GP2: variants seen among roughly 807,000 people sequenced by gnomAD.
The protein encoded by GP2 is pancreatic secretory granule membrane major glycoprotein GP2.
GP2 carries 58 observed loss-of-function variants against 60.8 expected under a neutral mutation model. The observed-to-expected ratio is 0.95, with a 90% CI of 0.77 to 1.19. GP2 has a LOEUF of 1.19. Ranked by LOEUF, GP2 falls within the 50% of genes most tolerant of loss-of-function variation. The pLI is 0.00. For synonymous variants in GP2, 280 were observed against 253.4 expected (o/e 1.10, Z -1.00); for missense variants, 647 against 667.4 (o/e 0.97, Z 0.34).
At chr16:20,323,496 C>CT (rs367921185) in intron 3 of GP2, 27 of 378,996 alleles carry the variant, frequency 7.1e-5, no homozygotes, top group South Asian at 4.2e-4. Context: ...CCCCCCCCCC[C>CT]TTTTTTTCAG....
intron 3 of GP2, among the ~76,000 whole-genome samples, chr16:20,323,201 A>G (rs1360684381): frequency 6.6e-6 from 1 of 152,202 alleles, no homozygotes; most frequent in East Asian, 1.9e-4. Context: ...TTCTAAGGAC[A>G]AGGAATGTAT....
At chr16:20,320,129 A>T (rs1446214134) in intron 5 of GP2, 133 bp downstream of exon 5, 2 of 666,094 alleles carry the variant, frequency 3.0e-6, no homozygotes, top group Admixed American at 2.5e-5. Flanking sequence ...TATGTAAACC[A>T]ACTTGTGCAC....
At chr16:20,313,446 T>G (rs1160300874) in intron 10 of GP2, among the ~76,000 whole-genome samples, 1 of 152,220 alleles carries the variant, frequency 6.6e-6, no homozygotes, top group Non-Finnish European at 1.5e-5. Context: ...ATCTACTTGC[T>G]TGTCATTTAT....
chr16:20,325,202 G>C (rs1247026731), intron 2 of GP2, among the ~76,000 whole-genome samples: 1 of 152,206 alleles, frequency 6.6e-6, no homozygotes, highest in Non-Finnish European at 1.5e-5. Flanking sequence ...GGTGACTTAA[G>C]TCCCCTGAGA....
intron 2 of GP2, among the ~76,000 whole-genome samples, chr16:20,324,521 C>T (rs989068730): frequency 9.9e-5 from 15 of 152,204 alleles, no homozygotes; most frequent in African/African-American, 3.6e-4. Context: ...AAGTTCTTTC[C>T]TGTGCATCAT....
In GP2 at chr16:20,311,044, A is replaced by G. The variant is rs1453919592; in HGVS notation, c.*179T>C. The G allele has an allele frequency of 1.8e-5, 9 of 509,560 alleles. No homozygotes were observed. Among genetic ancestry groups the G allele is most frequent in the Middle Eastern group, 5.7e-4 (1 of 1,752 alleles). The allele number at this position is 509,560 out of a possible 1,614,324, so 31.6% of individuals were successfully genotyped here. A position where few individuals can be genotyped will look rare whatever the true frequency, so the allele number is the denominator to read the frequency against. On this transcript the variant is annotated 3_prime_UTR_variant, in exon 11 of 11. Transcript: ENST00000302555. The stretch of plus-strand genomic sequence containing the variant: ...AATGCTGGGATTACAGGCATGAGCC[A>G]CTGCGCCCAGCCGAGAGTTTTAAAG...
At chr16:20,327,177 C>G in intron 1 of GP2, 1 of 263,574 alleles carries the variant, frequency 3.8e-6, no homozygotes, top group Non-Finnish European at 7.5e-6. Flanking sequence ...TAGGGAAGCA[C>G]CCAGGATTGG....
chr16:20,312,861 G>C (rs988812989), intron 10 of GP2, among the ~76,000 whole-genome samples: 1 of 152,040 alleles, frequency 6.6e-6, no homozygotes, highest in Non-Finnish European at 1.5e-5. Flanking sequence ...TGTTGGTCAG[G>C]CTGGTCTCGA....
intron 1 of GP2, 46 bp from the exon 2 acceptor site, chr16:20,326,513 G>A: frequency 2.0e-6 from 3 of 1,524,478 alleles, no homozygotes; most frequent in Non-Finnish European, 2.7e-6. Flanking sequence ...ATAGGTCTAT[G>A]TTCTTAGAAA....
chr16:20,316,370 C>T (rs1964171700), intron 8 of GP2, among the ~76,000 whole-genome samples: 1 of 152,178 alleles, frequency 6.6e-6, no homozygotes, highest in Non-Finnish European at 1.5e-5. Context: ...ACAAAGTAAG[C>T]ACTCGGAAAA....
chr16:20,317,441 C>T, intron 7 of GP2, 66 bp from the exon 8 acceptor site: 4 of 1,211,060 alleles, frequency 3.3e-6, no homozygotes, highest in Non-Finnish European at 4.8e-6. Context: ...TAAAGAGTCC[C>T]TCGGGTTCCC....
At chr16:20,323,787 G>A (rs745543223) in intron 3 of GP2, 29 bp downstream of exon 3, 3 of 1,486,418 alleles carry the variant, frequency 2.0e-6, no homozygotes, top group East Asian at 4.6e-5. Context: ...TGGCTGTGTA[G>A]CTGCCTCCTC....
rs202203480 is a variant in GP2 at position 20,315,961 on chromosome 16, C to T, written c.1496G>A (p.Arg499Gln). ...ARVLDLGPIT[R>Q]RGAQSPGVMN... ...ACTGGGATTTGGCCACTTACCTCTCCGAGTGATGGGCCCCAAATCTAGAAC... is the reference window on the plus strand; with the variant it reads ...ACTGGGATTTGGCCACTTACCTCTCTGAGTGATGGGCCCCAAATCTAGAAC... The change falls in exon 9 of 11, where the codon CGG (arginine) becomes CAG (glutamine). Residue 499 changes from arginine (R) to glutamine (Q), a missense_variant. Transcript: ENST00000302555. The T allele has an allele frequency of 1.8e-5, 29 of 1,607,364 alleles. No individual in the cohort carries two copies. The highest frequency in any genetic ancestry group is 9.9e-5 in the South Asian group (9 of 90,924).
intron 5 of GP2, 86 bp downstream of exon 5, chr16:20,320,176 G>C (rs36017565): frequency 0.48 from 481,207 of 997,698 alleles, 121,810 homozygotes; most frequent in East Asian, 0.75. Context: ...AAGCTAAGTG[G>C]CTTGTCCAAG....
intron 10 of GP2, among the ~76,000 whole-genome samples, chr16:20,314,148 G>A (rs968497653): frequency 6.6e-6 from 1 of 151,642 alleles, no homozygotes; most frequent in Non-Finnish European, 1.5e-5. Flanking sequence ...CTAGATGACA[G>A]GTTGGTGGGT....
intron 4 of GP2, among the ~76,000 whole-genome samples, chr16:20,321,574 G>C (rs992771223): frequency 6.6e-6 from 1 of 152,154 alleles, no homozygotes; most frequent in Non-Finnish European, 1.5e-5. Context: ...GATTCACAGT[G>C]GTATGAAATT....
chr16:20,311,088 T>C lies in GP2; in HGVS notation c.*135A>G. 2 of 615,600 alleles carry C rather than the reference T, an allele frequency of 3.2e-6. No individual in the cohort carries two copies. The highest frequency in any genetic ancestry group is 2.9e-5 in the East Asian group (1 of 34,350). 38.1% of individuals were successfully genotyped at this position (615,600 alleles called of 1,614,324 possible). A position where few individuals can be genotyped will look rare whatever the true frequency, so the allele number is the denominator to read the frequency against. On this transcript the variant is annotated 3_prime_UTR_variant, in exon 11 of 11. Coordinates refer to ENST00000302555, the MANE Select transcript of GP2 (RefSeq NM_001502.4). The stretch of plus-strand genomic sequence containing the variant: ...TTTAAAGAAGGTGAAAGCTCTTCCC[T>C]TTTCCTAACCTAGCTTGGCCTTGAT...
rs200208826 is a variant in GP2 at position 20,318,409 on chromosome 16, G to A, written c.1029C>T (p.Asp343=). 119 of 1,613,116 alleles carry A rather than the reference G, an allele frequency of 7.4e-5. 2 individuals are homozygous for A. In the Middle Eastern group the frequency reaches 8.3e-4, roughly 11 times the overall value. The change falls in exon 7 of 11, where the codon GAC becomes GAT. Residue 343 remains aspartate (D), a synonymous_variant. Transcript: ENST00000302555. ...PIVSSLNVSV[D]GNGEFIVRMA... The stretch of plus-strand genomic sequence containing the variant: ...TCCTGACAATGAACTCTCCATTCCC[G>A]TCCACACTGACGTTCAGGGAACTGA...
At chr16:20,315,902 G>C in intron 9 of GP2, 54 bp downstream of exon 9, 1 of 1,104,254 alleles carries the variant, frequency 9.1e-7, no homozygotes, top group Non-Finnish European at 1.4e-6. Flanking sequence ...GGCATCTGTG[G>C]TTAACTGTCA....
Sources: allele counts gnomAD v4.1 joint callset (sites outside exome capture counted in the v4.1 genomes callset), GRCh38; gene constraint gnomAD v4.1.1; transcripts MANE v1.5; gene names NCBI Gene and HGNC (gene_info 2026-07-23, HGNC 2026-07-21).